CHM: variants seen among roughly 807,000 people sequenced by gnomAD.
CHM encodes the protein CHM Rab escort protein.
CHM carries 10 observed loss-of-function variants against 49.0 expected under a neutral mutation model. That is an observed-to-expected ratio of 0.20 (90% CI 0.13 to 0.35). The LOEUF (loss-of-function observed/expected upper bound fraction) is 0.35. CHM is among the 10% of genes least tolerant of loss of function. The probability of loss-of-function intolerance (pLI) is 1.00; values close to 1 mark genes in which losing one functional copy is unlikely to be tolerated. For synonymous variants in CHM, 184 were observed against 167.5 expected, an observed-to-expected ratio of 1.10 and a Z score of -0.76; for missense variants, 455 against 478.4, an observed-to-expected ratio of 0.95 and a Z score of 0.46.
At chrX:85,924,563 C>A (rs1402854091) in intron 8 of CHM, among the ~76,000 whole-genome samples, 1 of 111,705 alleles carries the variant, frequency 9.0e-6, no homozygotes, top group Non-Finnish European at 1.9e-5. Context: ...ACCTCAAAAA[C>A]CACTACTATC....
intron 4 of CHM, chrX:85,970,268 G>C (rs1393014250): frequency 1.3e-6 from 1 of 752,871 alleles, no homozygotes; most frequent in African/African-American, 2.3e-5. Context: ...AACAACTAAA[G>C]AATATTGGAT....
At chrX:86,015,656 G>C (rs1048885159) in intron 2 of CHM, among the ~76,000 whole-genome samples, 2 of 112,201 alleles carry the variant, frequency 1.8e-5, no homozygotes, top group Non-Finnish European at 3.8e-5. Flanking sequence ...GGTCTGGGCG[G>C]AGGTGGCCTC....
chrX:85,934,539 GTTTTCTGTCCT>G (rs1402777739), intron 8 of CHM, among the ~76,000 whole-genome samples: 1 of 104,686 alleles, frequency 9.6e-6, no homozygotes, highest in East Asian at 3.1e-4. Context: ...GTGGTGTTTG[GTTTTCTGTCCT>G]TGCGATAGTT....
chrX:85,903,585 A>T, intron 9 of CHM: 1 of 386,588 alleles, frequency 2.6e-6, no homozygotes, highest in South Asian at 2.3e-5. Flanking sequence ...GTGCCTATTT[A>T]TGCTGATGCT....
chrX:85,965,578 C>T (rs371813931), intron 4 of CHM, among the ~76,000 whole-genome samples: 5 of 109,502 alleles, frequency 4.6e-5, no homozygotes, highest in African/African-American at 1.0e-4. Context: ...GTTTCAAATG[C>T]GAAACAAACT....
At chrX:86,038,844 A>C (rs1934343549) in intron 1 of CHM, among the ~76,000 whole-genome samples, 1 of 112,239 alleles carries the variant, frequency 8.9e-6, no homozygotes, top group Non-Finnish European at 1.9e-5. Flanking sequence ...CAGGATTTTA[A>C]TGTCAACAAT....
At chrX:85,986,922 C>A (rs1464849040) in intron 2 of CHM, among the ~76,000 whole-genome samples, 2 of 105,735 alleles carry the variant, frequency 1.9e-5, no homozygotes, top group East Asian at 3.0e-4. Context: ...CTAAGAATCA[C>A]AATAAAATAA....
chrX:86,040,867 A>G (rs1328461893), intron 1 of CHM, among the ~76,000 whole-genome samples: 1 of 112,103 alleles, frequency 8.9e-6, no homozygotes, highest in Admixed American at 9.5e-5. Context: ...GCTGGCCACA[A>G]CTAAACGCCC....
intron 8 of CHM, among the ~76,000 whole-genome samples, chrX:85,920,734 T>C (rs1016748924): frequency 2.7e-5 from 3 of 112,018 alleles, no homozygotes; most frequent in Admixed American, 9.5e-5. Context: ...GGAAATGGTA[T>C]TGCTGGGGTA....
Position 85,865,955 on chromosome X carries a change from C to T in CHM, c.1771-1134G>A, listed in dbSNP as rs189000975. Among the ~76,000 whole-genome samples, 5 of 112,354 alleles carry T rather than the reference C, an allele frequency of 4.5e-5. No homozygotes were observed. In the East Asian group the frequency reaches 1.4e-3, roughly 32 times the overall value. On this transcript the variant is annotated intron_variant, in intron 14 of 14. Coordinates refer to ENST00000357749, the MANE Select transcript of CHM (RefSeq NM_000390.4). The stretch of plus-strand genomic sequence containing the variant: ...GTCATGTGTGTTCACAAAGAGATGC[C>T]TTCACATTGGAACTTATGTTTAAAA...
intron 1 of CHM, among the ~76,000 whole-genome samples, chrX:86,038,238 G>C (rs1020127160): frequency 1.8e-5 from 2 of 111,611 alleles, no homozygotes; most frequent in Admixed American, 9.5e-5. Flanking sequence ...CAAAGGACAG[G>C]CAGAACTCAA....
chrX:86,010,241 A>T (rs1221273678), intron 2 of CHM, among the ~76,000 whole-genome samples: 28 of 101,430 alleles, frequency 2.8e-4, no homozygotes, highest in African/African-American at 6.6e-4. Context: ...TGTTAGGAGA[A>T]ATACCTAATG....
intron 8 of CHM, among the ~76,000 whole-genome samples, chrX:85,937,505 T>A (rs944878310): frequency 1.8e-5 from 2 of 109,071 alleles, no homozygotes; most frequent in Non-Finnish European, 3.8e-5. Context: ...GGTAATCTAG[T>A]ATCTAAGTTA....
At chrX:86,039,813 A>G (rs1386958424) in intron 1 of CHM, among the ~76,000 whole-genome samples, 2 of 111,646 alleles carry the variant, frequency 1.8e-5, no homozygotes, top group Non-Finnish European at 3.8e-5. Context: ...CTACAGCTGG[A>G]CATCAGAGAG....
chrX:85,981,204 TTCTA>T (rs1209843593), intron 3 of CHM, among the ~76,000 whole-genome samples: 11 of 50,729 alleles, frequency 2.2e-4, no homozygotes, highest in African/African-American at 7.6e-4. Flanking sequence ...ACATTTCTAT[TTCTA>T]TATATATATA....
At chrX:85,951,717 T>C (rs1457546192) in intron 8 of CHM, among the ~76,000 whole-genome samples, 1 of 111,884 alleles carries the variant, frequency 8.9e-6, no homozygotes, top group Non-Finnish European at 1.9e-5. Context: ...GAATGCGGAA[T>C]TTTAACAACT....
At chrX:85,907,085 G>T (rs1256448742) in intron 9 of CHM, among the ~76,000 whole-genome samples, 2 of 111,910 alleles carry the variant, frequency 1.8e-5, no homozygotes, top group Non-Finnish European at 3.8e-5. Flanking sequence ...AGCTGAGATT[G>T]CACCACTGCA....
At position 85,923,408 on chromosome X, in the gene CHM, G is replaced by A. The variant is rs1051675462; in HGVS notation, c.1167-12070C>T. Among the ~76,000 whole-genome samples, 10 of 112,160 alleles carry A rather than the reference G, an allele frequency of 8.9e-5. 1 individual carries two copies. The highest frequency in any genetic ancestry group is 8.5e-4 in the Admixed American group (9 of 10,543). On this transcript the variant is annotated intron_variant, in intron 8 of 14. Coordinates refer to ENST00000357749, the MANE Select transcript of CHM (RefSeq NM_000390.4). ...GTAGGCTACATTGCTCTTATTGACT[G>A]TGTGAGAGTCCACCTCCAGGTGTTC...
In CHM at chrX:85,966,070, C is replaced by T. The variant is rs141907650; in HGVS notation, c.315-2018G>A. ...AATCAAAGATAAGATACTAATCAGG[C>T]CGGGCACGGTGGCTTACACCTGTAA... On this transcript the variant is annotated intron_variant, in intron 4 of 14. Coordinates refer to ENST00000357749, the MANE Select transcript of CHM (RefSeq NM_000390.4). Among the ~76,000 whole-genome samples, 222 of 111,413 alleles carry T rather than the reference C, an allele frequency of 2.0e-3. 3 individuals carry two copies. In the East Asian group the frequency reaches 0.054, roughly 27 times the overall value.
Sources: gnomAD v4.1 joint callset for allele counts (sites outside exome capture counted in the v4.1 genomes callset) on GRCh38, gnomAD v4.1.1 for gene constraint, MANE v1.5 for transcripts, NCBI Gene and HGNC (gene_info 2026-07-23, HGNC 2026-07-21) for gene names.